Variants in PNPLA4 observed in about 807,000 individuals in gnomAD.
The protein encoded by PNPLA4 is patatin-like phospholipase domain-containing protein 4.
Under a neutral mutation model 18.3 loss-of-function variants are expected in PNPLA4, and 15 were observed. The ratio of observed to expected loss-of-function variants is 0.82; its 90% CI spans 0.55 to 1.26. PNPLA4 has a LOEUF of 1.26. PNPLA4 is among the 50% of genes most tolerant of loss of function. PNPLA4 has a pLI of 0.00. For missense variants in PNPLA4, 229 were observed against 196.8 expected (o/e 1.16, Z -0.98); for synonymous variants, 88 against 85.6 (o/e 1.03, Z -0.16).
chrX:7,924,008 T>C, intron 2 of PNPLA4, among the ~76,000 whole-genome samples: 2 of 111,891 alleles, frequency 1.8e-5, no homozygotes, highest in Middle Eastern at 4.6e-3. Flanking sequence ...TGAGCTAGAC[T>C]GCCCATCTAG....
At chrX:7,915,055 C>T (rs1242426902) in intron 4 of PNPLA4, among the ~76,000 whole-genome samples, 6 of 111,651 alleles carry the variant, frequency 5.4e-5, no homozygotes, top group Admixed American at 2.9e-4. Context: ...TATTTGTAGT[C>T]AGCTTACTGC....
intron 5 of PNPLA4, among the ~76,000 whole-genome samples, chrX:7,908,236 T>A (rs1923770394): frequency 9.0e-6 from 1 of 111,651 alleles, no homozygotes; most frequent in South Asian, 3.8e-4. Flanking sequence ...CCACTTTCTC[T>A]GCCTTTCCTG....
intron 4 of PNPLA4, among the ~76,000 whole-genome samples, chrX:7,912,735 A>G (rs1258978578): frequency 8.9e-6 from 1 of 112,274 alleles, no homozygotes; most frequent in Non-Finnish European, 1.9e-5. Flanking sequence ...TGAAATGTAA[A>G]TGTTTTATTT....
At chrX:7,907,902 T>C (rs1923759457) in intron 5 of PNPLA4, among the ~76,000 whole-genome samples, 1 of 107,290 alleles carries the variant, frequency 9.3e-6, no homozygotes, top group Non-Finnish European at 1.9e-5. Flanking sequence ...TTGTTTTTTT[T>C]TTTTTGTAGA....
At chrX:7,926,846 A>G (rs1003733030) in intron 1 of PNPLA4, among the ~76,000 whole-genome samples, 2 of 112,549 alleles carry the variant, frequency 1.8e-5, no homozygotes, top group African/African-American at 6.5e-5. Context: ...CTCAGTGCGC[A>G]CAATTTGCCC....
At chrX:7,908,153 G>C (rs1197843734) in intron 5 of PNPLA4, among the ~76,000 whole-genome samples, 1 of 111,496 alleles carries the variant, frequency 9.0e-6, no homozygotes, top group Non-Finnish European at 1.9e-5. Context: ...CCGCAATGTA[G>C]AAATGAGGAG....
At chrX:7,925,266 T>C (rs1207780037) in intron 2 of PNPLA4, among the ~76,000 whole-genome samples, 1 of 112,477 alleles carries the variant, frequency 8.9e-6, no homozygotes, top group Non-Finnish European at 1.9e-5. Flanking sequence ...TATTTCATTA[T>C]TGTTCAAAGC....
intron 5 of PNPLA4, among the ~76,000 whole-genome samples, chrX:7,906,492 G>C (rs1923709008): frequency 8.9e-6 from 1 of 111,946 alleles, no homozygotes; most frequent in African/African-American, 3.3e-5. Context: ...GTTAACAGTT[G>C]ACCATCTATA....
rs1924460720 is a variant in PNPLA4, at chrX:7,927,318, G to A, written c.-46C>T. The A allele has an allele frequency of 8.8e-6, 1 of 113,111 alleles. No homozygotes were observed. The highest frequency in any genetic ancestry group is 3.6e-4 in the South Asian group (1 of 2,783). 9.3% of individuals were successfully genotyped at this position (113,111 alleles called of 1,213,427 possible). On this transcript the variant is annotated 5_prime_UTR_variant, in exon 1 of 7. Coordinates refer to ENST00000381042, the MANE Select transcript of PNPLA4 (RefSeq NM_004650.3). ...GCCCCGGGACACTTCCGTGTTGAAC[G>A]AGTCCCTTTAACCAGATGGCGGGGC...
At chrX:7,912,189 T>A (rs1370400196) in intron 4 of PNPLA4, 96 bp from the exon 5 acceptor site, 4 of 586,440 alleles carry the variant, frequency 6.8e-6, no homozygotes, top group Admixed American at 2.5e-5. Flanking sequence ...TCTCAATAAA[T>A]AAGCCCCACA....
chrX:7,917,165 A>G (rs1175759296), intron 4 of PNPLA4, among the ~76,000 whole-genome samples: 1 of 112,775 alleles, frequency 8.9e-6, no homozygotes, highest in African/African-American at 3.2e-5. Context: ...TCAAGAAAAC[A>G]ATCAACTAGC....
chrX:7,916,696 C>T (rs1924056381), intron 4 of PNPLA4, among the ~76,000 whole-genome samples: 1 of 111,603 alleles, frequency 9.0e-6, no homozygotes, highest in Non-Finnish European at 1.9e-5. Flanking sequence ...TTTTCAATTC[C>T]CTAAATTATC....
intron 2 of PNPLA4, among the ~76,000 whole-genome samples, chrX:7,924,848 G>T (rs1253048161): frequency 8.9e-6 from 1 of 111,990 alleles, no homozygotes; most frequent in Non-Finnish European, 1.9e-5. Flanking sequence ...CTTAGGATTT[G>T]CCACAGCTCA....
Position 7,899,626 on chromosome X carries a change from C to CCAGAGAGAGAGAGAGAGAGAGA in PNPLA4, c.*1059_*1060insTCTCTCTCTCTCTCTCTCTCTG, listed in dbSNP as rs763944921. On this transcript the variant is annotated 3_prime_UTR_variant, in exon 7 of 7. Coordinates refer to ENST00000381042, the MANE Select transcript of PNPLA4 (RefSeq NM_004650.3). ...TAGCTAAATACTCAGAGAGGTATGG[C>CCAGAGAGAGAGAGAGAGAGAGA]GAGAGAGAGAGAGAGAGAGAGAGAG... 2.4e-3 allele frequency: 112 copies of CCAGAGAGAGAGAGAGAGAGAGA among 46,565 alleles called. 42 individuals are homozygous for CCAGAGAGAGAGAGAGAGAGAGA. The highest frequency in any genetic ancestry group is 4.1e-3 in the African/African-American group (50 of 12,321). The allele number at this position is 46,565 out of a possible 1,213,427, so 3.8% of individuals were successfully genotyped here.
At chrX:7,919,320 A>T (rs749493922) in intron 4 of PNPLA4, among the ~76,000 whole-genome samples, 2 of 112,744 alleles carry the variant, frequency 1.8e-5, no homozygotes, top group African/African-American at 6.4e-5. Context: ...GGGAAAATCC[A>T]GGTGTCGGCA....
At chrX:7,907,905 T>G (rs1403615134) in intron 5 of PNPLA4, among the ~76,000 whole-genome samples, 1 of 107,230 alleles carries the variant, frequency 9.3e-6, no homozygotes, top group East Asian at 2.9e-4. Context: ...TTTTTTTTTT[T>G]TTGTAGAGAC....
intron 4 of PNPLA4, among the ~76,000 whole-genome samples, chrX:7,921,301 A>G: frequency 1.8e-5 from 2 of 111,890 alleles, no homozygotes; most frequent in South Asian, 7.5e-4. Flanking sequence ...AAGGGTCACA[A>G]TAACACCTAC....
intron 3 of PNPLA4, 43 bp from the exon 4 acceptor site, chrX:7,921,891 T>C: frequency 8.7e-7 from 1 of 1,149,624 alleles, no homozygotes; most frequent in Non-Finnish European, 1.2e-6. Context: ...CTTTAATTAT[T>C]GAACTCCCTG....
chrX:7,921,552 G>A (rs1219098444), intron 4 of PNPLA4, among the ~76,000 whole-genome samples, 161 bp downstream of exon 4: 9 of 111,870 alleles, frequency 8.0e-5, no homozygotes, highest in African/African-American at 2.9e-4. Flanking sequence ...GGATCCTGGC[G>A]AATACTTTCA....
Sources: allele counts gnomAD v4.1 joint callset (sites outside exome capture counted in the v4.1 genomes callset), GRCh38; gene constraint gnomAD v4.1.1; transcripts MANE v1.5; gene names NCBI Gene and HGNC (gene_info 2026-07-23, HGNC 2026-07-21).